Variants in TTLL7 observed in about 807,000 individuals in gnomAD.
TTLL7 encodes the protein tubulin tyrosine ligase like 7.
Under a neutral mutation model 120.2 loss-of-function variants are expected in TTLL7, and 53 were observed. The observed-to-expected ratio is 0.44, with a 90% CI of 0.35 to 0.55. The LOEUF (loss-of-function observed/expected upper bound fraction) is 0.55. Among genes scored for constraint, TTLL7 ranks in the 20% least tolerant of loss-of-function variants. The pLI, the probability that TTLL7 is intolerant of heterozygous loss-of-function variation, is 0.00. For synonymous variants in TTLL7, 353 were observed against 351.7 expected (o/e 1.00, Z -0.04); for missense variants, 803 against 1,054.7 (o/e 0.76, Z 3.31).
In TTLL7 at chr1:83,870,168, G is replaced by A. The variant is rs1653227305; in HGVS notation, c.2544-86C>T. 2.4e-6 allele frequency: 3 copies of A among 1,237,826 alleles called. No individual in the cohort carries two copies. In the African/African-American group the frequency reaches 4.7e-5, roughly 20 times the overall value. The allele number at this position is 1,237,826 out of a possible 1,614,324, so 76.7% of individuals were successfully genotyped here. A position where few individuals can be genotyped will look rare whatever the true frequency, so the allele number is the denominator to read the frequency against. On this transcript the variant is annotated intron_variant, in intron 20 of 20. Transcript: ENST00000260505. ...GGTTATGTGGTTAGCAATTTACGTA[G>A]TCTATATGAGAAATGTTACTGTAAC...
At chr1:83,942,067 C>T (rs372422052) in intron 7 of TTLL7, among the ~76,000 whole-genome samples, 1 of 152,192 alleles carries the variant, frequency 6.6e-6, no homozygotes, top group Non-Finnish European at 1.5e-5. Flanking sequence ...AATGCCACCT[C>T]CTCCATGAGA....
At chr1:83,955,560 G>C (rs1649435252) in intron 1 of TTLL7, among the ~76,000 whole-genome samples, 1 of 152,158 alleles carries the variant, frequency 6.6e-6, no homozygotes, top group African/African-American at 2.4e-5. Context: ...CTTAAAAGCA[G>C]AAACAGCAGC....
At chr1:83,996,812 T>C (rs1653523343) in intron 1 of TTLL7, among the ~76,000 whole-genome samples, 1 of 152,074 alleles carries the variant, frequency 6.6e-6, no homozygotes, top group African/African-American at 2.4e-5. Flanking sequence ...TAAAATGTGC[T>C]GTCTCTGTTT....
At chr1:83,986,005 T>C (rs1052173684) in intron 1 of TTLL7, among the ~76,000 whole-genome samples, 2 of 152,224 alleles carry the variant, frequency 1.3e-5, no homozygotes, top group Non-Finnish European at 1.5e-5. Context: ...ATTAACACCA[T>C]TTTTAAACAA....
chr1:83,954,555 T>G (rs1327922726), intron 1 of TTLL7, among the ~76,000 whole-genome samples: 2 of 152,198 alleles, frequency 1.3e-5, no homozygotes, highest in Non-Finnish European at 2.9e-5. Flanking sequence ...TTTAAGCCAA[T>G]GGCTTCTCAA....
intron 20 of TTLL7, among the ~76,000 whole-genome samples, chr1:83,878,179 A>G (rs1485558051): frequency 6.6e-6 from 1 of 151,580 alleles, no homozygotes; most frequent in Non-Finnish European, 1.5e-5. Flanking sequence ...CAATCTTCTG[A>G]AATTCTGTGA....
In TTLL7 at chr1:83,890,481, C is replaced by T; in HGVS notation, c.2209G>A (p.Val737Ile). Residue 737 changes from valine (V) to isoleucine (I), a missense_variant and splice_region_variant, in exon 19 of 21, where the codon GTT becomes ATT. Val to Ile is a conservative substitution (Grantham distance 29, BLOSUM62 3). Transcript: ENST00000260505. ...IKLDSVKQRKVLDIVKTSIRT... is the reference protein window; with the variant it reads ...IKLDSVKQRKILDIVKTSIRT... ...ATACTTGTTTTCACTATGTCCAAAA[C>T]CTAGTGGAAAAACCAAAGTACTTAC... is the stretch of plus-strand genomic sequence containing the variant. 1 of 1,606,954 alleles carries T rather than the reference C, an allele frequency of 6.2e-7. No individual in the cohort carries two copies. The highest frequency in any genetic ancestry group is 8.5e-7 in the Non-Finnish European group (1 of 1,177,510).
chr1:83,930,594 A>C (rs952395561), intron 9 of TTLL7, among the ~76,000 whole-genome samples: 2 of 152,316 alleles, frequency 1.3e-5, no homozygotes, highest in South Asian at 2.1e-4. Flanking sequence ...TATGGGAGAA[A>C]AGTTTCAACC....
intron 10 of TTLL7, among the ~76,000 whole-genome samples, chr1:83,922,875 T>C (rs372015477): frequency 6.6e-6 from 1 of 150,750 alleles, no homozygotes; most frequent in Admixed American, 6.6e-5. Context: ...TTAACAAATA[T>C]AAAGTATGAG....
rs1652952055 is a variant in TTLL7, at chr1:83,866,885, T to A, written c.*3077A>T. 1 of 152,006 alleles carries A rather than the reference T, an allele frequency of 6.6e-6. No homozygotes were observed. The highest frequency in any genetic ancestry group is 1.5e-5 in the Non-Finnish European group (1 of 67,856). 9.4% of individuals were successfully genotyped at this position (152,006 alleles called of 1,614,324 possible). A position where few individuals can be genotyped will look rare whatever the true frequency, so the allele number is the denominator to read the frequency against. ...CTAGTTTGCAGTCTCAGACTACGTTTGTAAGTGATGATTTAAAATAAAAAA... is the reference window on the plus strand; with the variant it reads ...CTAGTTTGCAGTCTCAGACTACGTTAGTAAGTGATGATTTAAAATAAAAAA... On this transcript the variant is annotated 3_prime_UTR_variant, in exon 21 of 21. Transcript: ENST00000260505.
chr1:83,891,349 G>C (rs186547842), intron 18 of TTLL7, among the ~76,000 whole-genome samples: 117 of 151,938 alleles, frequency 7.7e-4, no homozygotes, highest in African/African-American at 2.1e-3. Context: ...TAAACATAAA[G>C]AACAAAAATT....
intron 1 of TTLL7, 146 bp downstream of exon 1, chr1:83,998,785 C>G (rs1871925): frequency 0.45 from 135,105 of 299,036 alleles, 33,053 homozygotes; most frequent in Non-Finnish European, 0.54. Context: ...CAGCAGCTCC[C>G]CGTTCCGCGG....
chr1:83,917,504 G>A (rs2100786972), intron 14 of TTLL7, 100 bp downstream of exon 14: 1 of 822,154 alleles, frequency 1.2e-6, no homozygotes, highest in Middle Eastern at 2.3e-4. Flanking sequence ...AGTCCCTGTG[G>A]TTCCTTTTTT....
chr1:83,882,840 A>G (rs1654635853), intron 20 of TTLL7, 123 bp downstream of exon 20: 1 of 1,116,714 alleles, frequency 9.0e-7, no homozygotes, highest in Non-Finnish European at 1.3e-6. Context: ...AATAGCATGT[A>G]TGAACTTTCA....
Position 83,868,817 on chromosome 1 carries a change from A to T in TTLL7, c.*1145T>A, listed in dbSNP as rs1314215584. 1 of 152,130 alleles carries T rather than the reference A, an allele frequency of 6.6e-6. No homozygotes were observed. Among genetic ancestry groups the T allele is most frequent in the Non-Finnish European group, 1.5e-5 (1 of 68,018 alleles). 9.4% of individuals were successfully genotyped at this position (152,130 alleles called of 1,614,324 possible). On this transcript the variant is annotated 3_prime_UTR_variant, in exon 21 of 21. Transcript: ENST00000260505. ...GAGTGGTATAAGACATAAAAGCCATATAGAAAGATTTTGTTACCATCATTT... is the reference window on the plus strand; with the variant it reads ...GAGTGGTATAAGACATAAAAGCCATTTAGAAAGATTTTGTTACCATCATTT...
chr1:83,920,506 A>G (rs1391276316), intron 12 of TTLL7: 1 of 153,320 alleles, frequency 6.5e-6, no homozygotes, highest in Non-Finnish European at 1.4e-5. Flanking sequence ...TGTTAAGGCC[A>G]TGAAAGAACA....
intron 1 of TTLL7, among the ~76,000 whole-genome samples, chr1:83,992,828 TA>T (rs1389115339): frequency 1.3e-5 from 2 of 148,566 alleles, no homozygotes; most frequent in African/African-American, 5.0e-5. Flanking sequence ...GTTTAGTTTC[TA>T]GCTTTTCTCT....
Position 83,907,466 on chromosome 1 carries a change from T to C in TTLL7, c.1982A>G (p.Asn661Ser), listed in dbSNP as rs764207524. The C allele has an allele frequency of 6.2e-6, 10 of 1,611,838 alleles. No individual in the cohort carries two copies. The African/African-American group carries it at 1.2e-4, about 19-fold the overall frequency. Residue 661 changes from asparagine to serine, a missense_variant, in exon 16 of 21, where the codon AAC becomes AGC. By Grantham distance (46) the Asn-to-Ser change is conservative. Around this residue, in one of 3 missense-constraint regions of TTLL7, gnomAD observed 388 missense variants for 450.4 expected, o/e 0.86. Transcript: ENST00000260505. ...LPHSNDACST[N>S]SQVSESLRQL... Reference sequence around the variant, plus strand: ...AAACAGATGACCTACCACTTGAGAGTTGGTAGAGCAGGCATCATTACTGTG... The same window carrying C: ...AAACAGATGACCTACCACTTGAGAGCTGGTAGAGCAGGCATCATTACTGTG...
chr1:83,915,138 T>A (rs979824047), intron 14 of TTLL7, among the ~76,000 whole-genome samples: 24 of 151,866 alleles, frequency 1.6e-4, no homozygotes, highest in Admixed American at 1.4e-3. Context: ...AAACAACAAG[T>A]CAATGACTTT....
Sources: allele counts gnomAD v4.1 joint callset (sites outside exome capture counted in the v4.1 genomes callset), GRCh38; gene constraint gnomAD v4.1.1; regional missense constraint gnomAD v4.1.1; transcripts MANE v1.5; gene names NCBI Gene and HGNC (gene_info 2026-07-23, HGNC 2026-07-21).